LNX1: variants seen among roughly 807,000 people sequenced by gnomAD.
The protein encoded by LNX1 is ligand of numb-protein X 1.
A neutral mutation model predicts 68.4 loss-of-function variants in LNX1; 54 were observed. The observed-to-expected ratio is 0.79, with a 90% confidence interval of 0.63 to 0.99. The LOEUF (loss-of-function observed/expected upper bound fraction) is 0.99. Among genes scored for constraint, LNX1 ranks in the 50% least tolerant of loss-of-function variants. The pLI is 0.00. For missense variants in LNX1, 906 were observed against 926.4 expected (o/e 0.98, Z 0.29); for synonymous variants, 336 against 350.0 (o/e 0.96, Z 0.45).
chr4:53,564,006 C>T (rs376395880), intron 2 of LNX1, among the ~76,000 whole-genome samples: 7 of 152,366 alleles, frequency 4.6e-5, no homozygotes, highest in Middle Eastern at 3.4e-3. Flanking sequence ...TTGAGGCCCA[C>T]GCCTCCCTGA....
intron 2 of LNX1, among the ~76,000 whole-genome samples, chr4:53,539,682 A>G (rs1391955077): frequency 2.0e-5 from 3 of 152,250 alleles, no homozygotes; most frequent in African/African-American, 7.2e-5. Flanking sequence ...AACTTGTTTA[A>G]TGCCTGCTCT....
intron 2 of LNX1, among the ~76,000 whole-genome samples, chr4:53,565,285 A>T (rs898778074): frequency 1.2e-4 from 19 of 152,164 alleles, no homozygotes; most frequent in African/African-American, 4.1e-4. Context: ...TTCTCCCAGT[A>T]CGCAGCTGGA....
At chr4:53,588,619 C>T (rs1469002657) in intron 1 of LNX1, among the ~76,000 whole-genome samples, 1 of 152,184 alleles carries the variant, frequency 6.6e-6, no homozygotes, top group African/African-American at 2.4e-5. Flanking sequence ...CCTGGACATG[C>T]AGCCCACCTT....
intron 2 of LNX1, among the ~76,000 whole-genome samples, chr4:53,546,398 C>T (rs1729121907): frequency 6.6e-6 from 1 of 152,176 alleles, no homozygotes; most frequent in Non-Finnish European, 1.5e-5. Flanking sequence ...TCACTTGCCA[C>T]ACTGTGTCAC....
chr4:53,601,441 C>T (rs1030053079), intron 2 of LNX1, among the ~76,000 whole-genome samples: 4 of 152,186 alleles, frequency 2.6e-5, no homozygotes, highest in African/African-American at 4.8e-5. Flanking sequence ...CGCACCCCCA[C>T]ATTGGGTGAC....
intron 1 of LNX1, among the ~76,000 whole-genome samples, chr4:53,632,798 C>G (rs921188878): frequency 1.3e-5 from 2 of 152,198 alleles, no homozygotes; most frequent in African/African-American, 4.8e-5. Context: ...AGACAAGGAA[C>G]AGCAACTTGG....
rs755998520 is a variant in LNX1 at position 53,476,821 on chromosome 4, G to A, written c.1824C>T (p.Asp608=). The A allele has an allele frequency of 5.6e-6, 9 of 1,614,054 alleles. No individual in the cohort carries two copies. The highest frequency in any genetic ancestry group is 1.7e-5 in the Admixed American group (1 of 60,008). ...QEDCSSPAAL[D]SNHNMAPPSD... ...TGGGTGGGGCCATGTTGTGGTTGGA[G>A]TCCAGGGCTGCTGGGCTGCTGCAGT... The change falls in exon 9 of 11, where the codon GAC becomes GAT. Residue 608 remains aspartate (D), a synonymous_variant. Transcript: ENST00000263925.
At chr4:53,545,208 CA>C (rs1301483407) in intron 2 of LNX1, among the ~76,000 whole-genome samples, 24 of 152,204 alleles carry the variant, frequency 1.6e-4, no homozygotes, top group African/African-American at 5.8e-4. Flanking sequence ...ATGCCTACTT[CA>C]ATGGGAAAAT....
rs868340225 is a variant in LNX1, at chr4:53,610,194, T to C, written c.-215+6323A>G. Among the ~76,000 whole-genome samples, 3 of 152,116 alleles carry C rather than the reference T, an allele frequency of 2.0e-5. No individual in the cohort carries two copies. The South Asian group carries it at 6.2e-4, about 32-fold the overall frequency. The stretch of plus-strand genomic sequence containing the variant: ...TGACTACAAAGAAAACTTGAGCAAA[T>C]TCAGAGTAATGATTTTATAGTTAAC... On this transcript the variant is annotated intron_variant, in intron 2 of 3. Transcript: ENST00000504299.
At position 53,547,455 on chromosome 4, in the gene LNX1, A is replaced by C. The variant is rs75004476; in HGVS notation, c.380+26168T>G. On this transcript the variant is annotated intron_variant, in intron 2 of 10. Transcript: ENST00000263925. The stretch of plus-strand genomic sequence containing the variant: ...CAAGTTTGCCCAGCTAGAGGAGACT[A>C]TATAGGAACTGGGGTCAGTCTGACT... 3.9e-3 allele frequency among the ~76,000 whole-genome samples: 589 copies of C among 152,308 alleles called. 2 individuals carry two copies. The highest frequency in any genetic ancestry group is 0.014 in the African/African-American group (568 of 41,580).
intron 2 of LNX1, among the ~76,000 whole-genome samples, chr4:53,519,055 G>A (rs538610425): frequency 4.7e-4 from 71 of 152,274 alleles, no homozygotes; most frequent in Non-Finnish European, 7.6e-4. Flanking sequence ...ATTGCTGCAT[G>A]CCTCATAGGT....
intron 1 of LNX1, among the ~76,000 whole-genome samples, chr4:53,633,995 G>A (rs1734372073): frequency 1.3e-5 from 2 of 152,138 alleles, no homozygotes; most frequent in South Asian, 4.1e-4. Flanking sequence ...GGAAAACAAT[G>A]CATTTTGTTA....
chr4:53,496,938 C>T (rs928224863), intron 5 of LNX1, among the ~76,000 whole-genome samples: 1 of 151,922 alleles, frequency 6.6e-6, no homozygotes, highest in African/African-American at 2.4e-5. Context: ...TGTGTGAGCA[C>T]GATGGAGTGT....
At chr4:53,474,111 C>T (rs1192542438) in intron 9 of LNX1, among the ~76,000 whole-genome samples, 3 of 152,160 alleles carry the variant, frequency 2.0e-5, no homozygotes, top group African/African-American at 7.2e-5. Flanking sequence ...GGCAACCTGG[C>T]GCATGGCTGT....
chr4:53,554,444 G>T (rs189219889), intron 2 of LNX1, among the ~76,000 whole-genome samples: 21 of 152,328 alleles, frequency 1.4e-4, no homozygotes, highest in Non-Finnish European at 2.4e-4. Flanking sequence ...TGGACACAGG[G>T]TTGTTGTTTT....
rs1323435965 is a variant in LNX1, at chr4:53,496,084, A to G, written c.1289T>C (p.Leu430Ser). 6.2e-7 allele frequency: 1 copy of G among 1,614,188 alleles called. No homozygotes were observed. Among genetic ancestry groups the G allele is most frequent in the South Asian group, 1.1e-5 (1 of 91,074 alleles). The change falls in exon 6 of 11, where the codon TTA becomes TCA. Residue 430 changes from leucine to serine, a missense_variant. Physicochemically the swap from Leu to Ser is moderately radical, Grantham distance 145. Transcript: ENST00000263925. ...TCGAAGATCATGTCCATTGATGGCT[A>G]ACACACGGTCATTCTCCTCAAGCTG... Reference protein sequence around the residue: ...HGQLEENDRVLAINGHDLRYG... With the variant: ...HGQLEENDRVSAINGHDLRYG...
In LNX1 at chr4:53,459,382, A is replaced by G. The variant is rs752684221; in HGVS notation, c.*1525T>C. The stretch of plus-strand genomic sequence containing the variant: ...CACAAAAAATCTAAAAGAAGCAAAG[A>G]AGGAAAAGAAGCGGGCAGTGAGCCT... On this transcript the variant is annotated 3_prime_UTR_variant, in exon 11 of 11. Coordinates refer to ENST00000263925, the MANE Select transcript of LNX1 (RefSeq NM_001126328.3). 2 of 1,613,282 alleles carry G rather than the reference A, an allele frequency of 1.2e-6. No homozygotes were observed. Among genetic ancestry groups the G allele is most frequent in the Non-Finnish European group, 1.7e-6 (2 of 1,179,650 alleles).
At chr4:53,556,019 C>T (rs530495719) in intron 2 of LNX1, among the ~76,000 whole-genome samples, 2 of 152,170 alleles carry the variant, frequency 1.3e-5, no homozygotes, top group East Asian at 1.9e-4. Flanking sequence ...GGAGTGGTGG[C>T]CCCCAAAAGA....
intron 6 of LNX1, among the ~76,000 whole-genome samples, chr4:53,484,601 C>T (rs1724165081): frequency 1.3e-5 from 2 of 152,028 alleles, no homozygotes; most frequent in African/African-American, 2.4e-5. Context: ...AAACCATCCA[C>T]CAATGAAACA....
Sources: gnomAD v4.1 joint callset for allele counts (sites outside exome capture counted in the v4.1 genomes callset) on GRCh38, gnomAD v4.1.1 for gene constraint, MANE v1.5 for transcripts, NCBI Gene and HGNC (gene_info 2026-07-23, HGNC 2026-07-21) for gene names.